Variants in DLC1 observed in about 807,000 individuals in gnomAD.
The protein encoded by DLC1 is DLC1 Rho GTPase activating protein.
In DLC1, 54 loss-of-function variants were observed where a neutral mutation model predicts 140.3. The ratio of observed to expected loss-of-function variants is 0.38; its 90% CI spans 0.31 to 0.48. The LOEUF (loss-of-function observed/expected upper bound fraction) is 0.48. DLC1 is among the 20% of genes least tolerant of loss of function. The probability of loss-of-function intolerance (pLI) is 0.96; values close to 1 mark genes in which losing one functional copy is unlikely to be tolerated. For synonymous variants in DLC1, 986 were observed against 728.1 expected (o/e 1.35, Z -5.70); for missense variants, 2,536 against 1,907.0 (o/e 1.33, Z -6.14).
intron 1 of DLC1, among the ~76,000 whole-genome samples, chr8:13,573,412 T>C (rs1294444187): frequency 6.6e-6 from 1 of 152,186 alleles, no homozygotes; most frequent in African/African-American, 2.4e-5. Context: ...ACAACAGAGA[T>C]AATTTTATGT....
chr8:13,521,238 C>T (rs1393644729), intron 1 of DLC1, among the ~76,000 whole-genome samples: 2 of 152,036 alleles, frequency 1.3e-5, no homozygotes, highest in East Asian at 1.9e-4. Context: ...ACATCACCCA[C>T]TGGGGCCTGT....
At chr8:13,157,923 C>T (rs994295496) in intron 5 of DLC1, among the ~76,000 whole-genome samples, 4 of 152,182 alleles carry the variant, frequency 2.6e-5, no homozygotes, top group Non-Finnish European at 5.9e-5. Context: ...AAAACTTACT[C>T]ATTTAGTTTA....
At chr8:13,584,249 C>G (rs1354401286) in intron 1 of DLC1, 1 of 153,614 alleles carries the variant, frequency 6.5e-6, no homozygotes, top group Non-Finnish European at 1.5e-5. Flanking sequence ...TTTGGCTCTT[C>G]TGAGGCTGCA....
intron 5 of DLC1, among the ~76,000 whole-genome samples, chr8:13,152,690 C>G (rs1402698203): frequency 6.6e-6 from 1 of 151,654 alleles, no homozygotes; most frequent in Non-Finnish European, 1.5e-5. Flanking sequence ...GCCCATAGTC[C>G]CAGCTACTGG....
At chr8:13,327,282 GTT>G (rs987162727) in intron 4 of DLC1, among the ~76,000 whole-genome samples, 2 of 151,902 alleles carry the variant, frequency 1.3e-5, no homozygotes, top group African/African-American at 4.8e-5. Flanking sequence ...CCCACTTGCA[GTT>G]TTAGGTAGTG....
chr8:13,303,605 T>C (rs1188291), intron 5 of DLC1, among the ~76,000 whole-genome samples: 143,898 of 152,124 alleles, frequency 0.95, 68,566 homozygotes, highest in East Asian at 1. Context: ...AGTTTGAGAC[T>C]AGCCTGGCCA....
At chr8:13,504,774 C>T (rs1801978830) in intron 1 of DLC1, among the ~76,000 whole-genome samples, 2 of 151,018 alleles carry the variant, frequency 1.3e-5, no homozygotes, top group Non-Finnish European at 3.0e-5. Context: ...AAAAGTCTTA[C>T]TTTTTTTTTA....
At chr8:13,419,126 T>G (rs937642212) in intron 2 of DLC1, among the ~76,000 whole-genome samples, 4 of 152,156 alleles carry the variant, frequency 2.6e-5, no homozygotes, top group African/African-American at 4.8e-5. Flanking sequence ...TGATACAATG[T>G]GGTTTTCTAG....
Position 13,499,955 on chromosome 8 carries a change from G to T in DLC1, c.117C>A (p.Ser39Arg), listed in dbSNP as rs201802566. ...TACHHGLVADSLQASMEKDAT... is the reference protein window; with the variant it reads ...TACHHGLVADRLQASMEKDAT... ...CATCTTTTTCCATACTTGCCTGCAA[G>T]CTGTCAGCTACTAGTCCATGATGAC... The change falls in exon 2 of 18, where the codon AGC becomes AGA. Residue 39 changes from serine to arginine, a missense_variant. Physicochemically the swap from Ser to Arg is moderately radical, Grantham distance 110 (BLOSUM62 -1). Transcript: ENST00000276297. 70 of 1,614,108 alleles carry T rather than the reference G, an allele frequency of 4.3e-5. No homozygotes were observed. The East Asian group carries it at 1.4e-3, about 33-fold the overall frequency.
intron 5 of DLC1, among the ~76,000 whole-genome samples, chr8:13,120,356 A>AAAAAAAATATAT: frequency 1.5e-4 from 9 of 61,124 alleles, no homozygotes; most frequent in African/African-American, 3.7e-4. Context: ...AAAAAAAAAA[A>AAAAAAAATATAT]ATATATATAT....
At chr8:13,601,132 T>C (rs1000416234) in intron 1 of DLC1, among the ~76,000 whole-genome samples, 2 of 151,794 alleles carry the variant, frequency 1.3e-5, no homozygotes, top group African/African-American at 4.8e-5. Flanking sequence ...AGGTGTGCAG[T>C]GTCAAGCAGT....
intron 1 of DLC1, among the ~76,000 whole-genome samples, chr8:13,525,324 T>C (rs552934192): frequency 3.3e-5 from 5 of 152,362 alleles, no homozygotes; most frequent in African/African-American, 1.2e-4. Flanking sequence ...AGTCATTGTA[T>C]GTATACATTC....
At chr8:13,181,283 T>A (rs1826016433) in intron 5 of DLC1, among the ~76,000 whole-genome samples, 1 of 151,678 alleles carries the variant, frequency 6.6e-6, no homozygotes, top group South Asian at 2.1e-4. Context: ...ACATCTTTAC[T>A]CAATTGTCAC....
rs1204336940 is a variant in DLC1 at position 13,415,418 on chromosome 8, G to A, written c.1024-13799C>T. On this transcript the variant is annotated intron_variant, in intron 2 of 17. Transcript: ENST00000276297. ...AATATTTAATTTTTTTTTTTTTTTT[G>A]AGACAGAATCTTGCTCTTTCACCCA... Among the ~76,000 whole-genome samples, 10 of 103,310 alleles carry A rather than the reference G, an allele frequency of 9.7e-5. No individual in the cohort carries two copies. The South Asian group carries it at 3.1e-3, about 32-fold the overall frequency. The allele number at this position is 103,310 out of a possible 152,430, so 67.8% of individuals were successfully genotyped here.
At chr8:13,156,207 T>A (rs1824242516) in intron 5 of DLC1, among the ~76,000 whole-genome samples, 1 of 152,216 alleles carries the variant, frequency 6.6e-6, no homozygotes, top group Non-Finnish European at 1.5e-5. Context: ...AGCTTACTGT[T>A]AACAACTGTT....
At chr8:13,088,159 C>A (rs182856939) in intron 16 of DLC1, among the ~76,000 whole-genome samples, 1 of 152,174 alleles carries the variant, frequency 6.6e-6, no homozygotes, top group Admixed American at 6.5e-5. Context: ...CAGCTCACTG[C>A]GGCCTCAAAC....
chr8:13,437,624 G>A (rs960513227), intron 2 of DLC1, among the ~76,000 whole-genome samples: 3 of 152,074 alleles, frequency 2.0e-5, no homozygotes, highest in Non-Finnish European at 1.5e-5. Flanking sequence ...CTTACATATG[G>A]AGAATAATAT....
At chr8:13,144,539 G>A (rs1343105567) in intron 5 of DLC1, among the ~76,000 whole-genome samples, 1 of 152,152 alleles carries the variant, frequency 6.6e-6, no homozygotes, top group African/African-American at 2.4e-5. Context: ...GCCGAGGCAG[G>A]CAGATCACGA....
chr8:13,275,101 T>G (rs1220516606), intron 5 of DLC1, among the ~76,000 whole-genome samples: 1 of 152,254 alleles, frequency 6.6e-6, no homozygotes, highest in Non-Finnish European at 1.5e-5. Context: ...ATGGTTCGAC[T>G]TGACATTGTT....
Sources: gnomAD v4.1 joint callset for allele counts (sites outside exome capture counted in the v4.1 genomes callset) on GRCh38, gnomAD v4.1.1 for gene constraint, MANE v1.5 for transcripts, NCBI Gene and HGNC (gene_info 2026-07-23, HGNC 2026-07-21) for gene names.